RANBP2: variants seen among roughly 807,000 people sequenced by gnomAD.
RANBP2 encodes RAN binding protein 2, also known as E3 SUMO-protein ligase RanBP2.
A neutral mutation model predicts 303.6 loss-of-function variants in RANBP2; 57 were observed. The ratio of observed to expected loss-of-function variants is 0.19; its 90% CI spans 0.15 to 0.23. The LOEUF (loss-of-function observed/expected upper bound fraction) is 0.23, where lower values mean the gene tolerates loss of function less well. RANBP2 is among the 10% of genes least tolerant of loss of function. The pLI, the probability that RANBP2 is intolerant of heterozygous loss-of-function variation, is 1.00. For missense variants in RANBP2, 3,138 were observed against 3,780.8 expected, an observed-to-expected ratio of 0.83 and a Z score of 4.46; for synonymous variants, 1,167 against 1,301.5, an observed-to-expected ratio of 0.90 and a Z score of 2.23.
At chr2:108,782,070 T>C (rs1457340019) in intron 26 of RANBP2, 58 bp from the exon 27 acceptor site, 4 of 1,581,024 alleles carry the variant, frequency 2.5e-6, no homozygotes, top group Non-Finnish European at 3.4e-6. Flanking sequence ...ATCTTTGAAA[T>C]TTGTCATGGA....
the RANBP2 span, among the ~76,000 whole-genome samples, chr2:108,991,474 G>C: frequency 6.6e-6 from 1 of 152,180 alleles, no homozygotes; most frequent in South Asian, 2.1e-4. Context: ...TCTAAATTTA[G>C]AACAAATTTA....
chr2:109,040,361 A>G, the RANBP2 span, among the ~76,000 whole-genome samples: 2,115 of 152,324 alleles, frequency 0.014, 53 homozygotes, highest in African/African-American at 0.049. Context: ...TCAGCTTTAT[A>G]TGAAGCCTTG....
the RANBP2 span, among the ~76,000 whole-genome samples, chr2:109,559,916 T>C: frequency 6.7e-6 from 1 of 148,662 alleles, no homozygotes; most frequent in Non-Finnish European, 1.5e-5. Context: ...AATGCCTTTT[T>C]TTTTTTTTTT....
the RANBP2 span, chr2:109,129,258 C>A: frequency 1.7e-6 from 1 of 585,952 alleles, no homozygotes; most frequent in Admixed American, 2.9e-5. Context: ...CCGCGCGGGG[C>A]GGACTTGCGG....
chr2:109,304,769 G>A, the RANBP2 span, among the ~76,000 whole-genome samples: 3 of 152,174 alleles, frequency 2.0e-5, no homozygotes, highest in Non-Finnish European at 2.9e-5. Flanking sequence ...TGGAGGAAAG[G>A]AGCAGGGACC....
chr2:109,626,135 T>C, the RANBP2 span, among the ~76,000 whole-genome samples: 2 of 152,236 alleles, frequency 1.3e-5, no homozygotes, highest in African/African-American at 4.8e-5. Context: ...GTCCCTATTT[T>C]GTTGTTTCTT....
At chr2:109,173,316 G>A in the RANBP2 span, among the ~76,000 whole-genome samples, 6 of 152,268 alleles carry the variant, frequency 3.9e-5, no homozygotes, top group South Asian at 1.2e-3. Flanking sequence ...TTTCTCCTCA[G>A]ACTCTCCTTC....
chr2:108,995,757 G>A, the RANBP2 span, among the ~76,000 whole-genome samples: 1 of 152,220 alleles, frequency 6.6e-6, no homozygotes, highest in Non-Finnish European at 1.5e-5. Context: ...CTGGGAGGAA[G>A]CTGTTCTGCC....
chr2:109,778,411 T>C, the RANBP2 span, among the ~76,000 whole-genome samples: 1 of 149,524 alleles, frequency 6.7e-6, no homozygotes. Flanking sequence ...TGTGGAATGT[T>C]GTTTCTCCGT....
At chr2:109,542,201 TAAG>T in the RANBP2 span, among the ~76,000 whole-genome samples, 21 of 152,230 alleles carry the variant, frequency 1.4e-4, no homozygotes, top group African/African-American at 2.9e-4. Flanking sequence ...ATTAGCTTTG[TAAG>T]AAGAAGTCAT....
chr2:109,571,143 C>T, the RANBP2 span, among the ~76,000 whole-genome samples: 3 of 152,198 alleles, frequency 2.0e-5, no homozygotes, highest in Non-Finnish European at 4.4e-5. Context: ...GCTTCCCCTT[C>T]GCCTTCCGCC....
At position 108,777,197 on chromosome 2, in the gene RANBP2, C is replaced by T; in HGVS notation, c.8565C>T (p.Ser2855=). 1 of 1,613,500 alleles carries T rather than the reference C, an allele frequency of 6.2e-7. No individual in the cohort carries two copies. Among genetic ancestry groups the T allele is most frequent in the Non-Finnish European group, 8.5e-7 (1 of 1,179,590 alleles). The change falls in exon 25 of 29, where the codon TCC becomes TCT. Residue 2855 remains serine (S), a synonymous_variant. Coordinates refer to ENST00000283195, the MANE Select transcript of RANBP2 (RefSeq NM_006267.5). ...GGCTCTCATTTGCAGACTTGGCTTCCAGTAATTCTGGAGATTTTGCTTTTG... is the reference window on the plus strand; with the variant it reads ...GGCTCTCATTTGCAGACTTGGCTTCTAGTAATTCTGGAGATTTTGCTTTTG... The part of the protein sequence containing the change: ...STGLSFADLA[S]SNSGDFAFGS...
chr2:109,312,261 C>CT, the RANBP2 span, among the ~76,000 whole-genome samples: 1 of 152,146 alleles, frequency 6.6e-6, no homozygotes, highest in Non-Finnish European at 1.5e-5. Flanking sequence ...AGAGCTGGGG[C>CT]TCTGAGTCCT....
rs1416817626 is a variant in RANBP2 at position 108,763,550 on chromosome 2, C to T, written c.3011C>T (p.Thr1004Ile). 1 of 1,614,010 alleles carries T rather than the reference C, an allele frequency of 6.2e-7. No individual in the cohort carries two copies. The highest frequency in any genetic ancestry group is 1.3e-5 in the African/African-American group (1 of 74,912). Residue 1004 changes from threonine to isoleucine, a missense_variant, in exon 20 of 29, where the codon ACT (threonine) becomes ATT (isoleucine). Around this residue, in one of 20 missense-constraint regions of RANBP2, gnomAD observed 403 missense variants for 376.7 expected, o/e 1.07. Coordinates refer to ENST00000283195, the MANE Select transcript of RANBP2 (RefSeq NM_006267.5). ...TCTAAGACTATAGAATTTGGGAAAA[C>T]TAATTTTGTTCAGCCCATGCCGGGT... Reference protein sequence around the residue: ...AESKTIEFGKTNFVQPMPGEG... With the variant: ...AESKTIEFGKINFVQPMPGEG...
chr2:108,942,773 C>G, the RANBP2 span, among the ~76,000 whole-genome samples: 1 of 152,244 alleles, frequency 6.6e-6, no homozygotes. Context: ...CACGAAGGTT[C>G]GTGCCCTGAG....
At chr2:109,589,144 TTTTG>T in the RANBP2 span, among the ~76,000 whole-genome samples, 4 of 152,124 alleles carry the variant, frequency 2.6e-5, no homozygotes, top group Admixed American at 6.5e-5. Context: ...TTGTTTTGTT[TTTTG>T]TTTTTCTTTT....
the RANBP2 span, among the ~76,000 whole-genome samples, chr2:108,977,163 C>T: frequency 6.6e-6 from 1 of 152,190 alleles, no homozygotes; most frequent in Non-Finnish European, 1.5e-5. Flanking sequence ...ATGGCTAAGG[C>T]TAAAGGGTGC....
the RANBP2 span, among the ~76,000 whole-genome samples, chr2:109,586,147 A>G: frequency 6.6e-6 from 1 of 152,258 alleles, no homozygotes; most frequent in Non-Finnish European, 1.5e-5. Context: ...ATAAAAAGTT[A>G]AAGTCCATTT....
the RANBP2 span, among the ~76,000 whole-genome samples, chr2:109,439,057 C>T: frequency 2.6e-5 from 4 of 152,156 alleles, no homozygotes; most frequent in Non-Finnish European, 4.4e-5. Context: ...CACACCAAGC[C>T]TTGCTAGAAA....
Sources: gnomAD v4.1 joint callset for allele counts (sites outside exome capture counted in the v4.1 genomes callset) on GRCh38, gnomAD v4.1.1 for gene constraint, gnomAD v4.1.1 regional missense constraint, MANE v1.5 for transcripts, NCBI Gene and HGNC (gene_info 2026-07-23, HGNC 2026-07-21) for gene names.